Variants in LRRC4C observed in about 807,000 individuals in gnomAD.
The protein encoded by LRRC4C is leucine-rich repeat-containing protein 4C.
Under a neutral mutation model 33.6 loss-of-function variants are expected in LRRC4C, and 5 were observed. The observed-to-expected ratio is 0.15, with a 90% CI of 0.08 to 0.31. The LOEUF is 0.31. Among genes scored for constraint, LRRC4C ranks in the 10% least tolerant of loss-of-function variants. The pLI, the probability that LRRC4C is intolerant of heterozygous loss-of-function variation, is 1.00. For missense variants in LRRC4C, 560 were observed against 796.7 expected (o/e 0.70, Z 3.58); for synonymous variants, 329 against 302.0 (o/e 1.09, Z -0.93).
chr11:40,757,976 G>A (rs1949029739), intron 2 of LRRC4C, among the ~76,000 whole-genome samples: 1 of 152,018 alleles, frequency 6.6e-6, no homozygotes, highest in Non-Finnish European at 1.5e-5. Flanking sequence ...GAGGCTCTGA[G>A]AGTAGGATGC....
At chr11:41,048,826 A>G (rs1332680259) in intron 1 of LRRC4C, among the ~76,000 whole-genome samples, 1 of 152,204 alleles carries the variant, frequency 6.6e-6, no homozygotes, top group African/African-American at 2.4e-5. Flanking sequence ...ACTGCAGTGA[A>G]GCCAATGGGC....
intron 2 of LRRC4C, among the ~76,000 whole-genome samples, chr11:40,716,749 T>C (rs12366050): frequency 0.52 from 79,707 of 151,958 alleles, 21,096 homozygotes; most frequent in African/African-American, 0.57. Flanking sequence ...TGCAAATTTG[T>C]CAAACCCATT....
intron 3 of LRRC4C, among the ~76,000 whole-genome samples, chr11:40,491,452 C>T (rs1428491116): frequency 6.6e-6 from 1 of 152,162 alleles, no homozygotes; most frequent in Non-Finnish European, 1.5e-5. Context: ...TACACGGTTG[C>T]AGTCAAGGTG....
chr11:40,174,580 A>G (rs939990509), intron 5 of LRRC4C, among the ~76,000 whole-genome samples: 1 of 152,210 alleles, frequency 6.6e-6, no homozygotes, highest in Non-Finnish European at 1.5e-5. Flanking sequence ...ATTTTTCTGC[A>G]TCGAACCATA....
At chr11:40,433,215 T>C (rs1397835041) in intron 3 of LRRC4C, among the ~76,000 whole-genome samples, 1 of 152,184 alleles carries the variant, frequency 6.6e-6, no homozygotes, top group Non-Finnish European at 1.5e-5. Flanking sequence ...ATTTAAAAGC[T>C]GGATTGTGGA....
At chr11:40,391,406 C>G (rs1434844393) in intron 3 of LRRC4C, among the ~76,000 whole-genome samples, 1 of 152,176 alleles carries the variant, frequency 6.6e-6, no homozygotes, top group African/African-American at 2.4e-5. Flanking sequence ...AATAACAGCT[C>G]ATTTTCTAAT....
chr11:40,843,722 G>A (rs1437528770), intron 2 of LRRC4C, among the ~76,000 whole-genome samples: 4 of 152,152 alleles, frequency 2.6e-5, no homozygotes, highest in African/African-American at 9.7e-5. Context: ...TAAGCAGTAT[G>A]CTCAAAATTT....
intron 1 of LRRC4C, among the ~76,000 whole-genome samples, chr11:41,054,187 A>G (rs1858452602): frequency 6.6e-6 from 1 of 152,212 alleles, no homozygotes; most frequent in African/African-American, 2.4e-5. Flanking sequence ...ATTCACTCCC[A>G]GTTACTCATT....
intron 1 of LRRC4C, among the ~76,000 whole-genome samples, chr11:41,323,732 G>T (rs9971500): frequency 0.12 from 18,519 of 152,154 alleles, 1,265 homozygotes; most frequent in South Asian, 0.23. Context: ...GAATTACTAT[G>T]GCTAGAACCT....
intron 1 of LRRC4C, among the ~76,000 whole-genome samples, chr11:41,287,084 T>C (rs1405369390): frequency 6.6e-6 from 1 of 152,176 alleles, no homozygotes; most frequent in African/African-American, 2.4e-5. Flanking sequence ...CTTTGTTCTA[T>C]GAACAAGAAC....
intron 3 of LRRC4C, among the ~76,000 whole-genome samples, chr11:40,522,482 C>T (rs1955862295): frequency 6.6e-6 from 1 of 152,178 alleles, no homozygotes; most frequent in South Asian, 2.1e-4. Flanking sequence ...CAGTTTCCCC[C>T]ATACGGTTCC....
chr11:41,122,095 G>T (rs1394298477), intron 1 of LRRC4C, among the ~76,000 whole-genome samples: 1 of 152,060 alleles, frequency 6.6e-6, no homozygotes, highest in Non-Finnish European at 1.5e-5. Flanking sequence ...CTGGAGAGAT[G>T]CAAAAGCAAA....
chr11:41,229,539 A>G (rs1396764068), intron 1 of LRRC4C, among the ~76,000 whole-genome samples: 1 of 152,090 alleles, frequency 6.6e-6, no homozygotes, highest in Admixed American at 6.6e-5. Flanking sequence ...TTAGGTTTTT[A>G]TTAATTTCTC....
At chr11:40,352,081 T>A (rs1277922656) in intron 3 of LRRC4C, among the ~76,000 whole-genome samples, 3 of 152,030 alleles carry the variant, frequency 2.0e-5, no homozygotes, top group Non-Finnish European at 4.4e-5. Flanking sequence ...GGTTGTTTTA[T>A]AGTTCCTTCC....
At chr11:40,286,763 G>A (rs923499051) in intron 4 of LRRC4C, among the ~76,000 whole-genome samples, 4 of 152,104 alleles carry the variant, frequency 2.6e-5, no homozygotes, top group South Asian at 2.1e-4. Context: ...TGAGGAAACC[G>A]AGGATTAACA....
At chr11:40,557,483 G>C (rs796370398) in intron 3 of LRRC4C, among the ~76,000 whole-genome samples, 20 of 152,270 alleles carry the variant, frequency 1.3e-4, no homozygotes, top group African/African-American at 4.3e-4. Flanking sequence ...GAACTGAAAC[G>C]ATTATCTTTA....
intron 2 of LRRC4C, among the ~76,000 whole-genome samples, chr11:40,880,660 C>G: frequency 6.6e-6 from 1 of 151,168 alleles, no homozygotes; most frequent in Middle Eastern, 3.4e-3. Flanking sequence ...ACTAATGCAT[C>G]AAATAGCATC....
At chr11:40,383,632 TG>T (rs1265613053) in intron 3 of LRRC4C, among the ~76,000 whole-genome samples, 1 of 152,174 alleles carries the variant, frequency 6.6e-6, no homozygotes, top group African/African-American at 2.4e-5. Context: ...CTCTCATATA[TG>T]TGTTGGCCAT....
At chr11:40,421,078 AT>A (rs372737923) in intron 3 of LRRC4C, among the ~76,000 whole-genome samples, 1 of 151,842 alleles carries the variant, frequency 6.6e-6, no homozygotes, top group Admixed American at 6.6e-5. Flanking sequence ...TAAGTCCAGC[AT>A]TTTTTTTCAC....
Sources: gnomAD v4.1 joint callset for allele counts (sites outside exome capture counted in the v4.1 genomes callset) on GRCh38, gnomAD v4.1.1 for gene constraint, MANE v1.5 for transcripts, NCBI Gene and HGNC (gene_info 2026-07-23, HGNC 2026-07-21) for gene names.